Variants in STARD3 observed in about 807,000 individuals in gnomAD.
The protein encoded by STARD3 is stAR-related lipid transfer protein 3.
Under a neutral mutation model 62.0 loss-of-function variants are expected in STARD3, and 39 were observed. The ratio of observed to expected loss-of-function variants is 0.63; its 90% confidence interval spans 0.49 to 0.82. The LOEUF is 0.82. STARD3 is among the 40% of genes least tolerant of loss of function. STARD3 has a pLI of 0.00. For missense variants in STARD3, 543 were observed against 584.5 expected (o/e 0.93, Z 0.73); for synonymous variants, 229 against 242.4 (o/e 0.94, Z 0.51).
At chr17:39,642,892 G>A (rs1009973073) in intron 1 of STARD3, among the ~76,000 whole-genome samples, 4 of 152,060 alleles carry the variant, frequency 2.6e-5, no homozygotes, top group African/African-American at 4.8e-5. Context: ...TGATGTGTCC[G>A]TGGACAGCGA....
At chr17:39,658,950 T>G in intron 7 of STARD3, 101 bp from the exon 8 acceptor site, 1 of 1,566,398 alleles carries the variant, frequency 6.4e-7, no homozygotes, top group Non-Finnish European at 8.8e-7. Flanking sequence ...TCCCACACAC[T>G]TTTATCCCCC....
At chr17:39,661,400 G>T in intron 13 of STARD3, 1 of 401,374 alleles carries the variant, frequency 2.5e-6, no homozygotes, top group Non-Finnish European at 4.6e-6. Flanking sequence ...CTCACTCTGG[G>T]CTGATTGACC....
chr17:39,663,038 C>T lies in STARD3; in HGVS notation c.*130C>T. ...GGCTGTCACCCTCCACCGAGCCACG[C>T]AGTGCCTGGAGTTGACTGACTGAGC... is the stretch of plus-strand genomic sequence containing the variant. On this transcript the variant is annotated 3_prime_UTR_variant, in exon 15 of 15. Coordinates refer to ENST00000336308, the MANE Select transcript of STARD3 (RefSeq NM_006804.4). 1 of 949,594 alleles carries T rather than the reference C, an allele frequency of 1.1e-6. No individual in the cohort carries two copies. The highest frequency in any genetic ancestry group is 1.7e-5 in the African/African-American group (1 of 59,206). The allele number at this position is 949,594 out of a possible 1,614,324, so 58.8% of individuals were successfully genotyped here. A position where few individuals can be genotyped will look rare whatever the true frequency, so the allele number is the denominator to read the frequency against.
At chr17:39,655,879 C>T (rs944191104) in intron 2 of STARD3, among the ~76,000 whole-genome samples, 5 of 151,448 alleles carry the variant, frequency 3.3e-5, no homozygotes, top group Admixed American at 1.3e-4. Context: ...CGGTCAGCAC[C>T]GGTGGGTGCC....
rs376590191 is a variant in STARD3, at chr17:39,661,142, G to A, written c.1139+57G>A. Reference sequence around the variant, plus strand: ...CCAGCCCCTCCCCTGGGAGCATTGAGCAGTGCAGGGTACAGCATGTACAGC... The same window carrying A: ...CCAGCCCCTCCCCTGGGAGCATTGAACAGTGCAGGGTACAGCATGTACAGC... On this transcript the variant is annotated intron_variant, in intron 13 of 14. Coordinates refer to ENST00000336308, the MANE Select transcript of STARD3 (RefSeq NM_006804.4). The A allele has an allele frequency of 1.5e-5, 23 of 1,516,196 alleles. No individual in the cohort carries two copies. In the East Asian group the frequency reaches 4.3e-4, roughly 28 times the overall value. The allele number at this position is 1,516,196 out of a possible 1,614,324, so 93.9% of individuals were successfully genotyped here. A position where few individuals can be genotyped will look rare whatever the true frequency, so the allele number is the denominator to read the frequency against.
Position 39,660,041 on chromosome 17 carries a change from A to G in STARD3, c.796-170A>G. 1 of 642,482 alleles carries G rather than the reference A, an allele frequency of 1.6e-6. No individual in the cohort carries two copies. The allele number at this position is 642,482 out of a possible 1,614,324, so 39.8% of individuals were successfully genotyped here. A position where few individuals can be genotyped will look rare whatever the true frequency, so the allele number is the denominator to read the frequency against. ...CAAAAGCCTCTCTCCTGCCAGTGCC[A>G]TAGGTTTGTTAGAGCTACTGTTTTG... On this transcript the variant is annotated intron_variant, in intron 9 of 14. Coordinates refer to ENST00000336308, the MANE Select transcript of STARD3 (RefSeq NM_006804.4). This position sits in a 1 kb window ranked among gnomAD's most constrained non-coding sequence, Gnocchi z 4.8.
chr17:39,653,760 G>C lies in STARD3; in HGVS notation c.219+10G>C. 3 of 1,613,770 alleles carry C rather than the reference G, an allele frequency of 1.9e-6. No individual in the cohort carries two copies. Among genetic ancestry groups the C allele is most frequent in the Non-Finnish European group, 2.5e-6 (3 of 1,179,952 alleles). ...GATCATCGAACTGAATGTGAGTGGGGGCGAGGTGGGGGCACAGGCCATGTT... is the reference window on the plus strand; with the variant it reads ...GATCATCGAACTGAATGTGAGTGGGCGCGAGGTGGGGGCACAGGCCATGTT... On this transcript the variant is annotated intron_variant, in intron 2 of 14. Transcript: ENST00000336308.
At position 39,657,007 on chromosome 17, in the gene STARD3, G is replaced by A. The variant is rs1406139283; in HGVS notation, c.220-1G>A. 6.2e-7 allele frequency: 1 copy of A among 1,614,072 alleles called. No homozygotes were observed. On this transcript the variant is annotated splice_acceptor_variant, in intron 2 of 14. Coordinates refer to ENST00000336308, the MANE Select transcript of STARD3 (RefSeq NM_006804.4). LOFTEE classifies it high-confidence loss of function. The stretch of plus-strand genomic sequence containing the variant: ...GAGCTCTTCCTGTCTCCCTCTCACA[G>A]ACCAACACAGGCATCCGTAAGAACT...
At position 39,660,903 on chromosome 17, in the gene STARD3, G is replaced by A. The variant is rs201938941; in HGVS notation, c.1034+14G>A. On this transcript the variant is annotated intron_variant, in intron 12 of 14. Coordinates refer to ENST00000336308, the MANE Select transcript of STARD3 (RefSeq NM_006804.4). This position sits in a 1 kb window ranked among gnomAD's most constrained non-coding sequence, Gnocchi z 4.8. The stretch of plus-strand genomic sequence containing the variant: ...GGTCTCCCCAAGGTGAGTCCATGCC[G>A]GGCCCCCTCCTTTCAGCCAGGTCTT... 4.2e-5 allele frequency: 67 copies of A among 1,605,204 alleles called. No homozygotes were observed. The African/African-American group carries it at 5.9e-4, about 14-fold the overall frequency.
chr17:39,657,120 G>A (rs1353204675), intron 3 of STARD3, 35 bp downstream of exon 3: 4 of 1,600,472 alleles, frequency 2.5e-6, no homozygotes, highest in African/African-American at 1.3e-5. Context: ...GGACCCCGGA[G>A]GCAGAGAGGG....
chr17:39,661,455 G>A (rs1349237396), intron 13 of STARD3: 3 of 237,866 alleles, frequency 1.3e-5, no homozygotes, highest in African/African-American at 6.8e-5. Context: ...CCTGCCTAAG[G>A]AGACTCGGGT....
intron 1 of STARD3, among the ~76,000 whole-genome samples, chr17:39,642,036 A>G (rs1214006600): frequency 2.0e-5 from 3 of 152,206 alleles, no homozygotes; most frequent in Admixed American, 6.5e-5. Flanking sequence ...CCCGGAGGTG[A>G]CATTTGAACT....
chr17:39,637,979 C>G (rs1462252704), intron 1 of STARD3, among the ~76,000 whole-genome samples: 1 of 152,214 alleles, frequency 6.6e-6, no homozygotes, highest in Non-Finnish European at 1.5e-5. Flanking sequence ...GCTTGCCCAT[C>G]CAGCGGCCAT....
In STARD3 at chr17:39,659,024, A is replaced by G. The variant is rs761136958; in HGVS notation, c.647-27A>G. 8 of 1,613,554 alleles carry G rather than the reference A, an allele frequency of 5.0e-6. No individual in the cohort carries two copies. The African/African-American group carries it at 5.4e-5, about 11-fold the overall frequency. Reference sequence around the variant, plus strand: ...CCACACTCTCTCCCCACCCCTTGCCATTGTCATCTGTGCCTGTTTTCTGCA... The same window carrying G: ...CCACACTCTCTCCCCACCCCTTGCCGTTGTCATCTGTGCCTGTTTTCTGCA... On this transcript the variant is annotated intron_variant, in intron 7 of 14. Transcript: ENST00000336308.
intron 9 of STARD3, chr17:39,659,938 G>A: frequency 1.8e-6 from 1 of 558,978 alleles, no homozygotes; most frequent in South Asian, 2.2e-5. Context: ...GCCAGTTCTT[G>A]TGGCAGCCCC....
intron 1 of STARD3, among the ~76,000 whole-genome samples, chr17:39,645,661 G>A (rs1479165178): frequency 3.3e-5 from 5 of 152,020 alleles, no homozygotes; most frequent in East Asian, 1.9e-4. Context: ...TAGTAGAGAC[G>A]AGGTTTCAGC....
chr17:39,651,194 C>T (rs1291252529), intron 1 of STARD3, among the ~76,000 whole-genome samples: 1 of 152,186 alleles, frequency 6.6e-6, no homozygotes, highest in Non-Finnish European at 1.5e-5. Context: ...ACCTGCCCTC[C>T]GACTCTGCTG....
intron 1 of STARD3, among the ~76,000 whole-genome samples, chr17:39,644,859 A>G (rs921078588): frequency 6.6e-6 from 1 of 151,836 alleles, no homozygotes; most frequent in Admixed American, 6.6e-5. Context: ...CTCAAAAAAA[A>G]AAAAAAAAAT....
At chr17:39,658,139 GGA>G (rs2057151801) in intron 5 of STARD3, 113 bp downstream of exon 5, 2 of 1,213,850 alleles carry the variant, frequency 1.6e-6, no homozygotes, top group Admixed American at 2.0e-5. Flanking sequence ...CGGGTTAGGG[GGA>G]GAGGGAATCC....
Sources: allele counts gnomAD v4.1 joint callset (sites outside exome capture counted in the v4.1 genomes callset), GRCh38; gene constraint gnomAD v4.1.1; non-coding constraint Gnocchi (gnomAD v3.1); transcripts MANE v1.5; gene names NCBI Gene and HGNC (gene_info 2026-07-23, HGNC 2026-07-21).